The following ZYG11A variants were observed in gnomAD, a reference collection of about 807,000 sequenced individuals.
ZYG11A encodes zyg-11 family member A, cell cycle regulator.
A neutral mutation model predicts 77.2 loss-of-function variants in ZYG11A; 62 were observed. The ratio of observed to expected loss-of-function variants is 0.80; its 90% CI spans 0.65 to 0.99. The LOEUF is 0.99. ZYG11A is among the 50% of genes least tolerant of loss of function. ZYG11A has a pLI of 0.00. For missense variants in ZYG11A, 828 were observed against 896.8 expected (o/e 0.92, Z 0.98); for synonymous variants, 315 against 324.6 (o/e 0.97, Z 0.32).
At position 52,889,805 on chromosome 1, in the gene ZYG11A, G is replaced by A. The variant is rs190648183; in HGVS notation, c.2104+2752G>A. ...TGGCTCGCTGCAAGCTCTGCCTCCC[G>A]GGTTCACGCCATTCTCCTGCCTCAG... On this transcript the variant is annotated intron_variant, in intron 13 of 13. Coordinates refer to ENST00000371528, the MANE Select transcript of ZYG11A (RefSeq NM_001004339.3). 7.6e-3 allele frequency among the ~76,000 whole-genome samples: 1,142 copies of A among 150,816 alleles called. 12 individuals are homozygous for A. Among genetic ancestry groups the A allele is most frequent in the African/African-American group, 0.026 (1,073 of 41,074 alleles).
chr1:52,864,822 T>C (rs1645995563), intron 5 of ZYG11A, among the ~76,000 whole-genome samples: 1 of 150,204 alleles, frequency 6.7e-6, no homozygotes, highest in African/African-American at 2.5e-5. Flanking sequence ...TTTTTTTTTT[T>C]TTTGTATTTT....
intron 3 of ZYG11A, among the ~76,000 whole-genome samples, chr1:52,858,482 T>G (rs971813654): frequency 1.3e-5 from 2 of 150,916 alleles, no homozygotes; most frequent in African/African-American, 4.9e-5. Flanking sequence ...GTTTTTTATT[T>G]TTAGTAGAGA....
At chr1:52,884,017 G>A (rs1646404420) in intron 11 of ZYG11A, among the ~76,000 whole-genome samples, 1 of 151,872 alleles carries the variant, frequency 6.6e-6, no homozygotes, top group Non-Finnish European at 1.5e-5. Flanking sequence ...GGGATTACAG[G>A]CGCCTGCCAC....
At chr1:52,851,589 A>G (rs1645712202) in intron 1 of ZYG11A, among the ~76,000 whole-genome samples, 1 of 151,386 alleles carries the variant, frequency 6.6e-6, no homozygotes, top group Non-Finnish European at 1.5e-5. Flanking sequence ...TAGCAGGGAC[A>G]GGGTTTCAAC....
chr1:52,866,426 C>G (rs1646028352), intron 5 of ZYG11A, 77 bp from the exon 6 acceptor site: 1 of 831,636 alleles, frequency 1.2e-6, no homozygotes, highest in African/African-American at 1.7e-5. Context: ...ACTAGTAATA[C>G]TTCCAAATAC....
intron 10 of ZYG11A, among the ~76,000 whole-genome samples, chr1:52,879,203 C>T (rs914389815): frequency 2.6e-5 from 4 of 152,150 alleles, no homozygotes; most frequent in Admixed American, 6.5e-5. Context: ...TAAGCACCTG[C>T]ACTTTGCCAT....
At chr1:52,856,546 GGTAA>G (rs560248074) in intron 2 of ZYG11A, among the ~76,000 whole-genome samples, 333 of 151,996 alleles carry the variant, frequency 2.2e-3, no homozygotes, top group African/African-American at 7.7e-3. Context: ...GGCCCAGAGA[GGTAA>G]GTGACTTGTC....
chr1:52,867,470 A>T, intron 6 of ZYG11A, 69 bp from the exon 7 acceptor site: 1 of 1,046,196 alleles, frequency 9.6e-7, no homozygotes, highest in South Asian at 1.4e-5. Context: ...GGGAATGCCA[A>T]ATGATTTCTT....
chr1:52,887,122 A>G lies in ZYG11A; in HGVS notation c.2104+69A>G, dbSNP rs1571883217. 9 of 850,104 alleles carry G rather than the reference A, an allele frequency of 1.1e-5. No homozygotes were observed. The East Asian group carries it at 2.7e-4, about 25-fold the overall frequency. The allele number at this position is 850,104 out of a possible 1,614,324, so 52.7% of individuals were successfully genotyped here. A position where few individuals can be genotyped will look rare whatever the true frequency, so the allele number is the denominator to read the frequency against. On this transcript the variant is annotated intron_variant, in intron 13 of 13. Coordinates refer to ENST00000371528, the MANE Select transcript of ZYG11A (RefSeq NM_001004339.3). ...ATTTTTCTGTGTAATGATTAAGTTC[A>G]AGATGGATGTGCAAAAATTGTCTAC...
intron 5 of ZYG11A, among the ~76,000 whole-genome samples, chr1:52,866,169 C>T (rs1475030043): frequency 1.3e-5 from 2 of 152,048 alleles, no homozygotes; most frequent in Non-Finnish European, 2.9e-5. Context: ...GATCTCCTGA[C>T]CTCGTGATCC....
rs1426846698 is a variant in ZYG11A, at chr1:52,864,177, T to C, written c.1326+20T>C. 2 of 1,548,808 alleles carry C rather than the reference T, an allele frequency of 1.3e-6. No homozygotes were observed. The highest frequency in any genetic ancestry group is 1.7e-6 in the Non-Finnish European group (2 of 1,145,174). On this transcript the variant is annotated intron_variant, in intron 5 of 13. Transcript: ENST00000371528. ...CAGCAGGTAATTTCAATTGAATATTTGTTTGTGCTTTTTTTGTTGTTGTTA... is the reference window on the plus strand; with the variant it reads ...CAGCAGGTAATTTCAATTGAATATTCGTTTGTGCTTTTTTTGTTGTTGTTA...
At chr1:52,886,912 C>T in intron 12 of ZYG11A, 44 bp from the exon 13 acceptor site, 2 of 979,562 alleles carry the variant, frequency 2.0e-6, no homozygotes, top group Non-Finnish European at 3.2e-6. Flanking sequence ...GAGCACTGGC[C>T]TAACTGTTCT....
rs532928865 is a variant in ZYG11A at position 52,855,948 on chromosome 1, G to GT, written c.257-1049dup. ...GCTCCATATGAATCTGCAGGAATGT[G>GT]TAAGAGTTTCTATGTGGACATAAGT... On this transcript the variant is annotated intron_variant, in intron 2 of 13. Transcript: ENST00000371528. Among the ~76,000 whole-genome samples, 16 of 152,312 alleles carry GT rather than the reference G, an allele frequency of 1.1e-4. No individual in the cohort carries two copies. In the East Asian group the frequency reaches 3.1e-3, roughly 29 times the overall value.
chr1:52,887,094 G>C, intron 13 of ZYG11A, 41 bp downstream of exon 13: 2 of 1,172,342 alleles, frequency 1.7e-6, no homozygotes, highest in Non-Finnish European at 2.4e-6. Context: ...TAGTTTTCCA[G>C]CTATTTTTCT....
At chr1:52,852,509 T>C (rs745737841) in intron 1 of ZYG11A, among the ~76,000 whole-genome samples, 7 of 149,490 alleles carry the variant, frequency 4.7e-5, no homozygotes, top group Non-Finnish European at 7.4e-5. Flanking sequence ...GGACTATAGA[T>C]AGGCATGTGC....
chr1:52,872,247 G>A (rs1317183482), intron 8 of ZYG11A, among the ~76,000 whole-genome samples: 1 of 152,110 alleles, frequency 6.6e-6, no homozygotes, highest in African/African-American at 2.4e-5. Flanking sequence ...GATTACAGGT[G>A]TATGCTACCA....
At chr1:52,881,864 C>G (rs1428565359) in intron 11 of ZYG11A, 199 bp downstream of exon 11, 1 of 445,096 alleles carries the variant, frequency 2.2e-6, no homozygotes, top group African/African-American at 2.0e-5. Context: ...TCTTTCTCAT[C>G]AGCTTTTTTT....
intron 1 of ZYG11A, among the ~76,000 whole-genome samples, chr1:52,849,991 T>C (rs1302052267): frequency 1.3e-5 from 2 of 152,174 alleles, no homozygotes; most frequent in African/African-American, 4.8e-5. Context: ...GCCTCAATTA[T>C]ACATTTCTAA....
Position 52,877,697 on chromosome 1 carries a change from G to C in ZYG11A, c.1558G>C (p.Val520Leu). The change falls in exon 9 of 14, where the codon GTA (valine) becomes CTA (leucine). Residue 520 changes from valine to leucine, a missense_variant. Val to Leu is a conservative substitution (Grantham distance 32, BLOSUM62 1). Transcript: ENST00000371528. ...TGGTTTTTAGGAACTTCTAGCAATA[G>C]TAAAACAAAAGACTACTGAGAATTT... The part of the protein sequence containing the change: ...FMAVKELLAI[V>L]KQKTTENLDD... 6.5e-7 allele frequency: 1 copy of C among 1,549,020 alleles called. No homozygotes were observed. Among genetic ancestry groups the C allele is most frequent in the South Asian group, 1.2e-5 (1 of 83,202 alleles).
Sources: allele counts gnomAD v4.1 joint callset (sites outside exome capture counted in the v4.1 genomes callset), GRCh38; gene constraint gnomAD v4.1.1; transcripts MANE v1.5; gene names NCBI Gene and HGNC (gene_info 2026-07-23, HGNC 2026-07-21).